Variants in GRK7 observed in about 807,000 individuals in gnomAD.
GRK7 encodes the protein rhodopsin kinase GRK7.
GRK7 carries 24 observed loss-of-function variants against 34.1 expected under a neutral mutation model. The ratio of observed to expected loss-of-function variants is 0.70; its 90% CI spans 0.51 to 0.99. GRK7 has a LOEUF of 0.99. GRK7 is among the 50% of genes least tolerant of loss of function. The probability of loss-of-function intolerance (pLI) is 0.00; values close to 1 mark genes in which losing one functional copy is unlikely to be tolerated. For missense variants in GRK7, 644 were observed against 707.3 expected, an observed-to-expected ratio of 0.91 and a Z score of 1.02; for synonymous variants, 256 against 279.4, an observed-to-expected ratio of 0.92 and a Z score of 0.84.
At chr3:141,805,549 C>T (rs1711028570) in intron 4 of GRK7, among the ~76,000 whole-genome samples, 1 of 152,150 alleles carries the variant, frequency 6.6e-6, no homozygotes, top group Non-Finnish European at 1.5e-5. Context: ...ATATGGTCAC[C>T]CAAATTATAT....
At chr3:141,759,419 G>A, upstream of GRK7, among the ~76,000 whole-genome samples, 3 of 106,072 alleles carry the variant, frequency 2.8e-5, no homozygotes, top group African/African-American at 1.1e-4. Context: ...ATAATCATGT[G>A]GTTTTTGTCT....
chr3:141,806,900 A>G (rs1711042168), intron 4 of GRK7, among the ~76,000 whole-genome samples: 1 of 151,868 alleles, frequency 6.6e-6, no homozygotes, highest in Non-Finnish European at 1.5e-5. Context: ...CATACACACA[A>G]GTATATATAA....
At chr3:141,804,633 ACT>A (rs537090703) in intron 4 of GRK7, among the ~76,000 whole-genome samples, 30 of 150,942 alleles carry the variant, frequency 2.0e-4, no homozygotes, top group South Asian at 1.3e-3. Context: ...ACATACACAC[ACT>A]CACACACATG....
Position 141,817,077 on chromosome 3 carries a change from A to G in GRK7, c.*27A>G, listed in dbSNP as rs1393335377. The stretch of plus-strand genomic sequence containing the variant: ...TTGCTCTCTTTACCAGACAGGCAGC[A>G]GGAGTCTCGGCTGACATAATCCTCG... On this transcript the variant is annotated 3_prime_UTR_variant, in exon 6 of 6. Transcript: ENST00000682958. 39 of 1,516,064 alleles carry G rather than the reference A, an allele frequency of 2.6e-5. No homozygotes were observed. The highest frequency in any genetic ancestry group is 3.2e-5 in the Non-Finnish European group (36 of 1,123,762). 93.9% of individuals were successfully genotyped at this position (1,516,064 alleles called of 1,614,324 possible).
At chr3:141,756,289 G>A in the GRK7 span, among the ~76,000 whole-genome samples, 1 of 146,840 alleles carries the variant, frequency 6.8e-6, no homozygotes, top group East Asian at 2.0e-4. Context: ...TCCAGCCTGG[G>A]CGACAGAGTA....
intron 4 of GRK7, among the ~76,000 whole-genome samples, chr3:141,784,306 G>A (rs1018809300): frequency 2.0e-5 from 3 of 152,130 alleles, no homozygotes; most frequent in Non-Finnish European, 1.5e-5. Flanking sequence ...CAGACCTTTG[G>A]CCCTTTTACC....
rs114884373 is a variant in GRK7, at chr3:141,796,780, G to C, written c.1051-10865G>C. Among the ~76,000 whole-genome samples, 1,123 of 152,298 alleles carry C rather than the reference G, an allele frequency of 7.4e-3. 14 individuals are homozygous for C. Among genetic ancestry groups the C allele is most frequent in the African/African-American group, 0.025 (1,050 of 41,562 alleles). On this transcript the variant is annotated intron_variant, in intron 4 of 5. Coordinates refer to ENST00000682958, the MANE Select transcript of GRK7 (RefSeq NM_139209.3). ...AGAACACGCTCAAGTGAAAGAACGG[G>C]AACTATTGATCTCTGACCATGTGCC...
Position 141,817,150 on chromosome 3 carries a change from A to G in GRK7, c.*100A>G, listed in dbSNP as rs1216897659. Reference sequence around the variant, plus strand: ...GTGGAATGAGGGCTAATCAGTTAGGAGGGACATCACAACCACAAAACAATT... The same window carrying G: ...GTGGAATGAGGGCTAATCAGTTAGGGGGGACATCACAACCACAAAACAATT... On this transcript the variant is annotated 3_prime_UTR_variant, in exon 6 of 6. Coordinates refer to ENST00000682958, the MANE Select transcript of GRK7 (RefSeq NM_139209.3). 2.3e-6 allele frequency: 2 copies of G among 864,108 alleles called. No individual in the cohort carries two copies. The highest frequency in any genetic ancestry group is 3.6e-6 in the Non-Finnish European group (2 of 561,628). 53.5% of individuals were successfully genotyped at this position (864,108 alleles called of 1,614,324 possible).
At chr3:141,813,979 T>C (rs562029151) in intron 5 of GRK7, among the ~76,000 whole-genome samples, 1 of 152,306 alleles carries the variant, frequency 6.6e-6, no homozygotes, top group South Asian at 2.1e-4. Context: ...CTCATTCTTG[T>C]TATTAGTTGT....
In GRK7 at chr3:141,780,383, G is replaced by A. The variant is rs550144618; in HGVS notation, c.622G>A (p.Val208Ile). 6.4e-5 allele frequency: 103 copies of A among 1,613,670 alleles called. No homozygotes were observed. Among genetic ancestry groups the A allele is most frequent in the East Asian group, 8.9e-5 (4 of 44,884 alleles). ...TTCTTTCTCCTTTAAGGTATGTGCCGTCCAGGTGAAAAACACTGGGAAGAT... is the reference window on the plus strand; with the variant it reads ...TTCTTTCTCCTTTAAGGTATGTGCCATCCAGGTGAAAAACACTGGGAAGAT... ...GKGGFGEVCAVQVKNTGKMYA... is the reference protein window; with the variant it reads ...GKGGFGEVCAIQVKNTGKMYA... Residue 208 changes from valine to isoleucine, a missense_variant, in exon 4 of 6, where the codon GTC becomes ATC. Coordinates refer to ENST00000682958, the MANE Select transcript of GRK7 (RefSeq NM_139209.3).
chr3:141,802,745 A>G (rs1710983061), intron 4 of GRK7, among the ~76,000 whole-genome samples: 1 of 152,100 alleles, frequency 6.6e-6, no homozygotes, highest in Non-Finnish European at 1.5e-5. Context: ...AATCAACTGG[A>G]TGACATGTCG....
At chr3:141,790,545 C>T (rs1230288247) in intron 4 of GRK7, among the ~76,000 whole-genome samples, 2 of 150,446 alleles carry the variant, frequency 1.3e-5, no homozygotes, top group East Asian at 1.9e-4. Flanking sequence ...AAACATGTTC[C>T]AGCCACTGTC....
Position 141,778,896 on chromosome 3 carries a change from G to C in GRK7, c.612G>C (p.Glu204Asp). Residue 204 changes from glutamate to aspartate, a missense_variant and splice_region_variant, in exon 3 of 6, where the codon GAG becomes GAC. Physicochemically the swap from Glu to Asp is conservative, Grantham distance 45. Coordinates refer to ENST00000682958, the MANE Select transcript of GRK7 (RefSeq NM_139209.3). The surrounding 1 kb of genome is among the most constrained non-coding windows in gnomAD (Gnocchi z 4.1). ...FRVLGKGGFG[E>D]VCAVQVKNTG... ...TGCTGGGGAAAGGTGGTTTTGGGGA[G>C]GTAAGTGTCTCCCAGTAGCCAGGCT... The C allele has an allele frequency of 6.2e-7, 1 of 1,604,182 alleles. No individual in the cohort carries two copies. The highest frequency in any genetic ancestry group is 8.5e-7 in the Non-Finnish European group (1 of 1,176,076).
chr3:141,797,357 A>G (rs1710901560), intron 4 of GRK7, among the ~76,000 whole-genome samples: 1 of 152,086 alleles, frequency 6.6e-6, no homozygotes, highest in South Asian at 2.1e-4. Context: ...GGGCGGGCGG[A>G]GCCTCGAGCT....
chr3:141,781,982 G>A (rs1050164081), intron 4 of GRK7, among the ~76,000 whole-genome samples: 4 of 152,150 alleles, frequency 2.6e-5, no homozygotes, highest in Admixed American at 2.6e-4. Context: ...CAAAGGAAAT[G>A]AGAAAAATCA....
chr3:141,788,170 A>G (rs1274553080), intron 4 of GRK7, among the ~76,000 whole-genome samples: 1 of 152,226 alleles, frequency 6.6e-6, no homozygotes, highest in Non-Finnish European at 1.5e-5. Context: ...GGGGGGGCAC[A>G]GGCCCTTTCT....
In GRK7 at chr3:141,764,278, TTAAGCAAGAC is replaced by T. The variant is rs2084569768; in HGVS notation, c.-1673_-1664del. Among the ~76,000 whole-genome samples, 1 of 152,180 alleles carries T rather than the reference TTAAGCAAGAC, an allele frequency of 6.6e-6. No homozygotes were observed. Among genetic ancestry groups the T allele is most frequent in the South Asian group, 2.1e-4 (1 of 4,828 alleles). On this transcript the variant is annotated 5_prime_UTR_variant, in exon 1 of 6. The change creates a premature stop within an existing upstream ORF in the 5' untranslated region. Transcript: ENST00000682958. The stretch of plus-strand genomic sequence containing the variant: ...GCCACTCACTCCAGTGGTCACACCC[TTAAGCAAGAC>T]TCCTCAAGAGTAGCTTACACTAGCT...
At chr3:141,816,341 CT>C (rs1028279635) in intron 5 of GRK7, among the ~76,000 whole-genome samples, 3 of 152,092 alleles carry the variant, frequency 2.0e-5, no homozygotes, top group Admixed American at 2.0e-4. Context: ...CAGAGATATG[CT>C]TAACTTGTTC....
chr3:141,803,610 A>G (rs977666497), intron 4 of GRK7, among the ~76,000 whole-genome samples: 1 of 152,144 alleles, frequency 6.6e-6, no homozygotes, highest in Non-Finnish European at 1.5e-5. Flanking sequence ...CCTATATTAG[A>G]CACCCTGTAT....
Sources: allele counts gnomAD v4.1 joint callset (sites outside exome capture counted in the v4.1 genomes callset), GRCh38; gene constraint gnomAD v4.1.1; non-coding constraint Gnocchi (gnomAD v3.1); transcripts MANE v1.5; gene names NCBI Gene and HGNC (gene_info 2026-07-23, HGNC 2026-07-21).